Variants in LEF1 observed in about 807,000 individuals in gnomAD.
LEF1 encodes the protein lymphoid enhancer binding factor 1, also known as lymphoid enhancer-binding factor 1.
Under a neutral mutation model 51.2 loss-of-function variants are expected in LEF1, and 14 were observed. That is an observed-to-expected ratio of 0.27 (90% CI 0.18 to 0.43). The LOEUF is 0.43. Among genes scored for constraint, LEF1 ranks in the 20% least tolerant of loss-of-function variants. LEF1 has a pLI of 1.00. For synonymous variants in LEF1, 185 were observed against 183.2 expected, an observed-to-expected ratio of 1.01 and a Z score of -0.08; for missense variants, 386 against 512.0, an observed-to-expected ratio of 0.75 and a Z score of 2.37.
intron 3 of LEF1, among the ~76,000 whole-genome samples, chr4:108,108,438 G>A (rs919201703): frequency 2.0e-5 from 3 of 152,006 alleles, no homozygotes; most frequent in Non-Finnish European, 2.9e-5. Context: ...GAGATGCAGC[G>A]CTAATAATAT....
chr4:108,146,718 A>G (rs1023425812), intron 3 of LEF1, among the ~76,000 whole-genome samples: 1 of 152,198 alleles, frequency 6.6e-6, no homozygotes, highest in African/African-American at 2.4e-5. Flanking sequence ...AAAAACTCCG[A>G]CAAGTTTTTT....
At chr4:108,137,340 CAAAATCTCA>C (rs1411897640) in intron 3 of LEF1, among the ~76,000 whole-genome samples, 2 of 152,190 alleles carry the variant, frequency 1.3e-5, no homozygotes, top group East Asian at 3.9e-4. Context: ...ATGGATACAA[CAAAATCTCA>C]GAAATCACCA....
intron 3 of LEF1, among the ~76,000 whole-genome samples, chr4:108,139,567 CCTGGCCCTG>C (rs1241787824): frequency 6.6e-6 from 1 of 152,284 alleles, no homozygotes; most frequent in Non-Finnish European, 1.5e-5. Flanking sequence ...GGACCTCCAC[CCTGGCCCTG>C]CTGGCCCTGC....
intron 3 of LEF1, among the ~76,000 whole-genome samples, chr4:108,110,890 A>G (rs1741491906): frequency 6.6e-6 from 1 of 152,210 alleles, no homozygotes; most frequent in Non-Finnish European, 1.5e-5. Flanking sequence ...GAACCATAAT[A>G]TCTCTGAAAT....
Position 108,079,539 on chromosome 4 carries a change from A to G in LEF1, c.798T>C (p.Pro266=), listed in dbSNP as rs1232974793. 1.9e-6 allele frequency: 3 copies of G among 1,614,034 alleles called. No homozygotes were observed. The Admixed American group carries it at 5.0e-5, about 27-fold the overall frequency. ...TGTGGGGATGTTCCTGTTTGACCTG[A>G]GGTGTTACAATAGCTGGATGAGGGA... is the stretch of plus-strand genomic sequence containing the variant. ...TGIPHPAIVT[P]QVKQEHPHTD... Residue 266 remains proline, a synonymous_variant, in exon 7 of 12, where the codon CCT becomes CCC. Coordinates refer to ENST00000265165, the MANE Select transcript of LEF1 (RefSeq NM_016269.5).
intron 4 of LEF1, among the ~76,000 whole-genome samples, chr4:108,084,029 G>A (rs957291977): frequency 1.4e-4 from 21 of 152,074 alleles, no homozygotes; most frequent in African/African-American, 5.1e-4. Context: ...GAGTCCTCTG[G>A]GCTGCAAGGT....
At chr4:108,057,735 A>T (rs1402126180) in intron 11 of LEF1, among the ~76,000 whole-genome samples, 1 of 152,210 alleles carries the variant, frequency 6.6e-6, no homozygotes, top group Non-Finnish European at 1.5e-5. Flanking sequence ...TTCTTAAAAA[A>T]TGTAAATCCA....
At chr4:108,134,877 C>T (rs1489065995) in intron 3 of LEF1, among the ~76,000 whole-genome samples, 1 of 152,180 alleles carries the variant, frequency 6.6e-6, no homozygotes. Flanking sequence ...GTAATGATAA[C>T]CCACCCAGCA....
chr4:108,143,774 G>A (rs191212247), intron 3 of LEF1, among the ~76,000 whole-genome samples: 1 of 152,276 alleles, frequency 6.6e-6, no homozygotes, highest in East Asian at 1.9e-4. Context: ...CCTTGAGAGA[G>A]GCACTCCAGT....
rs1391946748 is a variant in LEF1, at chr4:108,165,311, T to G, written c.214-148A>C. ...TACTCTGAGAGACATACGCTAGTGT[T>G]TAGTACTGCATAATCCTTTTCTTGT... On this transcript the variant is annotated intron_variant, in intron 1 of 11. Coordinates refer to ENST00000265165, the MANE Select transcript of LEF1 (RefSeq NM_016269.5). 16 of 683,492 alleles carry G rather than the reference T, an allele frequency of 2.3e-5. No individual in the cohort carries two copies. In the Admixed American group the frequency reaches 2.6e-4, roughly 11 times the overall value. The allele number at this position is 683,492 out of a possible 1,614,324, so 42.3% of individuals were successfully genotyped here.
intron 11 of LEF1, among the ~76,000 whole-genome samples, chr4:108,063,188 A>G (rs969149344): frequency 2.6e-5 from 4 of 152,164 alleles, no homozygotes; most frequent in African/African-American, 9.7e-5. Flanking sequence ...ATGTGATTTC[A>G]ATTGAGAAAA....
intron 3 of LEF1, among the ~76,000 whole-genome samples, chr4:108,114,670 C>T (rs1044490264): frequency 6.6e-6 from 1 of 152,158 alleles, no homozygotes; most frequent in Non-Finnish European, 1.5e-5. Context: ...GAGGAGATAA[C>T]ACGAAAATAC....
chr4:108,111,859 T>C (rs529030723), intron 3 of LEF1, among the ~76,000 whole-genome samples: 1 of 152,306 alleles, frequency 6.6e-6, no homozygotes, highest in South Asian at 2.1e-4. Context: ...TGAGCTGTGA[T>C]TGCGCCACTG....
intron 1 of LEF1, chr4:108,166,692 A>G: frequency 2.0e-6 from 2 of 996,510 alleles, no homozygotes; most frequent in Non-Finnish European, 2.4e-6. Context: ...AGAAGACCCG[A>G]TAAAGCGCCT....
chr4:108,148,047 T>A (rs1744106536), intron 3 of LEF1, among the ~76,000 whole-genome samples: 1 of 152,186 alleles, frequency 6.6e-6, no homozygotes, highest in African/African-American at 2.4e-5. Context: ...AGCAAGTGCC[T>A]CACACAAGGT....
intron 1 of LEF1, 62 bp from the exon 2 acceptor site, chr4:108,165,225 TG>T: frequency 6.8e-7 from 1 of 1,474,042 alleles, no homozygotes; most frequent in Non-Finnish European, 9.5e-7. Context: ...GTGACAATAA[TG>T]GTACAAATGT....
chr4:108,087,227 T>C (rs1739711590), intron 4 of LEF1, among the ~76,000 whole-genome samples: 1 of 152,058 alleles, frequency 6.6e-6, no homozygotes, highest in African/African-American at 2.4e-5. Flanking sequence ...AGTTTATATA[T>C]CTCCAGAAGT....
chr4:108,127,587 G>T (rs1177274948), intron 3 of LEF1, among the ~76,000 whole-genome samples: 1 of 152,074 alleles, frequency 6.6e-6, no homozygotes, highest in Non-Finnish European at 1.5e-5. Context: ...CACCTCAGTG[G>T]GACTACTGCT....
At chr4:108,050,905 C>T (rs1736944952) in intron 11 of LEF1, among the ~76,000 whole-genome samples, 3 of 152,146 alleles carry the variant, frequency 2.0e-5, no homozygotes, top group South Asian at 4.1e-4. Context: ...GGGCTAACAC[C>T]TCCAATCTAG....
Sources: gnomAD v4.1 joint callset for allele counts (sites outside exome capture counted in the v4.1 genomes callset) on GRCh38, gnomAD v4.1.1 for gene constraint, MANE v1.5 for transcripts, NCBI Gene and HGNC (gene_info 2026-07-23, HGNC 2026-07-21) for gene names.